Variants in SERPINA12 observed in about 807,000 individuals in gnomAD.
SERPINA12 encodes the protein serpin family A member 12.
A neutral mutation model predicts 25.9 loss-of-function variants in SERPINA12; 21 were observed. That is an observed-to-expected ratio of 0.81 (90% CI 0.58 to 1.17). SERPINA12 has a LOEUF of 1.17. Ranked by LOEUF, SERPINA12 falls within the 50% of genes most tolerant of loss-of-function variation. The pLI, the probability that SERPINA12 is intolerant of heterozygous loss-of-function variation, is 0.00. For synonymous variants in SERPINA12, 220 were observed against 196.0 expected (o/e 1.12, Z -1.02); for missense variants, 562 against 508.3 (o/e 1.11, Z -1.02).
At chr14:94,500,886 T>G (rs1900688365) in intron 1 of SERPINA12, 1 of 985,230 alleles carries the variant, frequency 1.0e-6, no homozygotes, top group Non-Finnish European at 1.2e-6. Context: ...TACATATTTT[T>G]TAAAACGCCA....
intron 1 of SERPINA12, among the ~76,000 whole-genome samples, chr14:94,502,145 C>T (rs535382576): frequency 6.6e-6 from 1 of 152,010 alleles, no homozygotes; most frequent in South Asian, 2.1e-4. Context: ...AGAAACCGAA[C>T]CCCATGGGGT....
rs1253073534 is a variant in SERPINA12 at position 94,497,928 on chromosome 14, A to G, written c.470T>C (p.Phe157Ser). The G allele has an allele frequency of 1.2e-6, 2 of 1,614,156 alleles. No homozygotes were observed. Among genetic ancestry groups the G allele is most frequent in the Admixed American group, 3.3e-5 (2 of 60,020 alleles). Reference protein sequence around the residue: ...QRKFLEDAKNFYSAETILTNF... With the variant: ...QRKFLEDAKNSYSAETILTNF... ...GGTAAGGATGGTTTCGGCACTGTAA[A>G]AGTTCTTGGCATCTTCCAAAAACTT... Residue 157 changes from phenylalanine (F) to serine (S), a missense_variant, in exon 2 of 5, where the codon TTT becomes TCT. Physicochemically the swap from Phe to Ser is radical, Grantham distance 155 (BLOSUM62 -2). Transcript: ENST00000677451.
At chr14:94,497,084 G>A (rs8012043) in intron 2 of SERPINA12, among the ~76,000 whole-genome samples, 17,332 of 152,224 alleles carry the variant, frequency 0.11, 1,217 homozygotes, top group Middle Eastern at 0.22. Flanking sequence ...CAGTGATTTT[G>A]TCTGGACTGA....
intron 3 of SERPINA12, among the ~76,000 whole-genome samples, chr14:94,495,982 TG>T (rs1260544801): frequency 1.3e-5 from 2 of 152,238 alleles, no homozygotes; most frequent in Non-Finnish European, 2.9e-5. Context: ...ACACCACAGT[TG>T]ACAACATCAT....
chr14:94,512,741 A>G (rs940445498), upstream of SERPINA12, among the ~76,000 whole-genome samples: 2 of 152,220 alleles, frequency 1.3e-5, no homozygotes, highest in Non-Finnish European at 2.9e-5. Flanking sequence ...CTTGAAATTC[A>G]GGAGGAATTT....
At chr14:94,505,286 C>T (rs1762060510) in intron 1 of SERPINA12, among the ~76,000 whole-genome samples, 2 of 152,178 alleles carry the variant, frequency 1.3e-5, no homozygotes, top group South Asian at 4.1e-4. Context: ...CATTCCCAGG[C>T]CTGGTTCAGC....
At position 94,498,499 on chromosome 14, in the gene SERPINA12, G is replaced by A. The variant is rs1433299832; in HGVS notation, c.-33-69C>T. 2.3e-5 allele frequency: 29 copies of A among 1,267,734 alleles called. No homozygotes were observed. In the South Asian group the frequency reaches 4.0e-4, roughly 18 times the overall value. 78.5% of individuals were successfully genotyped at this position (1,267,734 alleles called of 1,614,324 possible). ...CATGTTACCCAGAGGAAGACCAGAT[G>A]AAAGAAGAAATACAGTGACTATTAT... is the stretch of plus-strand genomic sequence containing the variant. On this transcript the variant is annotated intron_variant, in intron 1 of 4. Transcript: ENST00000677451.
At chr14:94,487,564 A>T in intron 4 of SERPINA12, 70 bp from the exon 5 acceptor site, 3 of 1,331,772 alleles carry the variant, frequency 2.3e-6, no homozygotes, top group Non-Finnish European at 3.1e-6. Context: ...GGAGGCCCAG[A>T]GAGGATCAGA....
At chr14:94,497,739 C>T in intron 2 of SERPINA12, 25 bp downstream of exon 2, 1 of 1,574,058 alleles carries the variant, frequency 6.4e-7, no homozygotes, top group Non-Finnish European at 8.6e-7. Flanking sequence ...CTATTCTTTC[C>T]ACACCAACAT....
upstream of SERPINA12, chr14:94,511,822 C>CCAGGGA (rs1184134175): frequency 1.5e-6 from 1 of 681,114 alleles, no homozygotes; most frequent in African/African-American, 2.0e-5. Context: ...AAGGGACAGA[C>CCAGGGA]ACTGGGGGGT....
chr14:94,504,604 G>A (rs940910097), intron 1 of SERPINA12, among the ~76,000 whole-genome samples: 3 of 152,210 alleles, frequency 2.0e-5, no homozygotes, highest in Non-Finnish European at 2.9e-5. Context: ...AGCTCACATG[G>A]AGTCCTTTGG....
chr14:94,493,381 G>A (rs1490500384), intron 3 of SERPINA12, among the ~76,000 whole-genome samples: 1 of 152,226 alleles, frequency 6.6e-6, no homozygotes, highest in Non-Finnish European at 1.5e-5. Flanking sequence ...AAGTGACTGG[G>A]TAGGCAAGAC....
At chr14:94,504,811 C>T (rs539125358) in intron 1 of SERPINA12, among the ~76,000 whole-genome samples, 15 of 152,328 alleles carry the variant, frequency 9.8e-5, no homozygotes, top group Admixed American at 5.9e-4. Context: ...TGGCTGAACT[C>T]TGTTGTCTCT....
upstream of SERPINA12, among the ~76,000 whole-genome samples, chr14:94,513,286 A>G (rs1387210882): frequency 6.6e-5 from 10 of 152,248 alleles, no homozygotes; most frequent in Admixed American, 6.5e-4. Context: ...AATCCAAGAC[A>G]AAATGAAGGA....
At chr14:94,511,236 T>TAC (rs377120399), upstream of SERPINA12, 34,230 of 190,392 alleles carry the variant, frequency 0.18, 3,335 homozygotes, top group Middle Eastern at 0.27. Context: ...ACACCTCATG[T>TAC]ACACACACAC....
upstream of SERPINA12, among the ~76,000 whole-genome samples, chr14:94,510,865 T>C (rs1476704475): frequency 6.6e-6 from 1 of 152,186 alleles, no homozygotes; most frequent in East Asian, 1.9e-4. Flanking sequence ...ATATTGCATG[T>C]TCTTGCCCAT....
chr14:94,488,615 T>C (rs1900004661), intron 4 of SERPINA12, among the ~76,000 whole-genome samples: 1 of 152,170 alleles, frequency 6.6e-6, no homozygotes, highest in African/African-American at 2.4e-5. Flanking sequence ...AAAAATATTA[T>C]TCATCATTTA....
chr14:94,507,319 A>C (rs570448718), intron 1 of SERPINA12, among the ~76,000 whole-genome samples: 2 of 152,320 alleles, frequency 1.3e-5, no homozygotes, highest in South Asian at 4.1e-4. Context: ...TGACCATGAG[A>C]TAGGCAGAAA....
chr14:94,497,865 T>C lies in SERPINA12; in HGVS notation c.533A>G (p.Asn178Ser), dbSNP rs751403883. 1.2e-5 allele frequency: 19 copies of C among 1,614,204 alleles called. No homozygotes were observed. The highest frequency in any genetic ancestry group is 3.3e-4 in the Middle Eastern group (2 of 6,062). ...ATGGGTTTTTTGACTGATAAAGTCA[T>C]TGATCTGCTTCTGAGCCATTTCCAA... ...QNLEMAQKQI[N>S]DFISQKTHGK... Residue 178 changes from asparagine to serine, a missense_variant, in exon 2 of 5, where the codon AAT becomes AGT. By Grantham distance (46) the Asn-to-Ser change is conservative. Transcript: ENST00000677451.
Sources: gnomAD v4.1 joint callset for allele counts (sites outside exome capture counted in the v4.1 genomes callset) on GRCh38, gnomAD v4.1.1 for gene constraint, MANE v1.5 for transcripts, NCBI Gene and HGNC (gene_info 2026-07-23, HGNC 2026-07-21) for gene names.